Variants in UBE2B observed in about 807,000 individuals in gnomAD.
UBE2B encodes the protein ubiquitin conjugating enzyme E2 B, also known as ubiquitin-conjugating enzyme E2 B.
A neutral mutation model predicts 24.6 loss-of-function variants in UBE2B; 11 were observed. That is an observed-to-expected ratio of 0.45 (90% confidence interval 0.28 to 0.74). The LOEUF (loss-of-function observed/expected upper bound fraction) is 0.74, where lower values mean the gene tolerates loss of function less well. UBE2B is among the 30% of genes least tolerant of loss of function. The pLI is 0.13. For missense variants in UBE2B, 78 were observed against 185.6 expected (o/e 0.42, Z 3.37); for synonymous variants, 68 against 62.4 (o/e 1.09, Z -0.42).
intron 5 of UBE2B, among the ~76,000 whole-genome samples, chr5:134,389,280 A>C (rs995100570): frequency 4.0e-5 from 6 of 151,566 alleles, no homozygotes; most frequent in Non-Finnish European, 5.9e-5. Context: ...TTGTTTTTCA[A>C]CCTTCCTATC....
intron 1 of UBE2B, among the ~76,000 whole-genome samples, chr5:134,371,928 C>G (rs563145627): frequency 1.3e-5 from 2 of 152,364 alleles, no homozygotes; most frequent in East Asian, 3.9e-4. Flanking sequence ...CCCGGCGTCT[C>G]GCCCAGGCGA....
rs1206993709 is a variant in UBE2B at position 134,376,340 on chromosome 5, A to ATATATATATATATATAT, written c.126-329_126-328insTATATATATATATATAT. 8.8e-3 allele frequency among the ~76,000 whole-genome samples: 52 copies of ATATATATATATATATAT among 5,902 alleles called. 2 individuals are homozygous for ATATATATATATATATAT. Among genetic ancestry groups the ATATATATATATATATAT allele is most frequent in the Admixed American group, 0.024 (9 of 368 alleles). The allele number at this position is 5,902 out of a possible 152,430, so 3.9% of individuals were successfully genotyped here. A position where few individuals can be genotyped will look rare whatever the true frequency, so the allele number is the denominator to read the frequency against. On this transcript the variant is annotated intron_variant, in intron 2 of 5. Coordinates refer to ENST00000265339, the MANE Select transcript of UBE2B (RefSeq NM_003337.4). The stretch of plus-strand genomic sequence containing the variant: ...TCCGTCTCAAAAAAAAAAAAAAAAA[A>ATATATATATATATATAT]AAAAAAAAATATATATATATATATA...
chr5:134,383,480 T>A (rs1219206418), intron 4 of UBE2B, among the ~76,000 whole-genome samples: 6 of 136,614 alleles, frequency 4.4e-5, no homozygotes, highest in Middle Eastern at 3.5e-3. Flanking sequence ...CAGCTTTTTT[T>A]TTTTTTTTTT....
In UBE2B at chr5:134,390,951, G is replaced by T. The variant is rs969287752; in HGVS notation, c.*598G>T. ...TATAATCTCCAACTTTATTTTGAAT[G>T]TACCTCTATTAGTTTCAATTGAGTA... On this transcript the variant is annotated 3_prime_UTR_variant, in exon 6 of 6. Transcript: ENST00000265339. This position sits in a 1 kb window ranked among gnomAD's most constrained non-coding sequence, Gnocchi z 4.6. 1 of 154,624 alleles carries T rather than the reference G, an allele frequency of 6.5e-6. No homozygotes were observed. The highest frequency in any genetic ancestry group is 2.4e-5 in the African/African-American group (1 of 41,454). 9.6% of individuals were successfully genotyped at this position (154,624 alleles called of 1,614,324 possible). A position where few individuals can be genotyped will look rare whatever the true frequency, so the allele number is the denominator to read the frequency against.
At chr5:134,377,616 G>T (rs774886105) in intron 3 of UBE2B, among the ~76,000 whole-genome samples, 3 of 152,132 alleles carry the variant, frequency 2.0e-5, no homozygotes, top group African/African-American at 4.8e-5. Flanking sequence ...TTATCTGTGG[G>T]GGGGGTAAGG....
intron 5 of UBE2B, chr5:134,388,943 ATTGT>A: frequency 1.7e-5 from 4 of 234,368 alleles, no homozygotes; most frequent in East Asian, 1.4e-4. Context: ...CACTTCTTTA[ATTGT>A]TTTTTTTTTT....
intron 4 of UBE2B, among the ~76,000 whole-genome samples, chr5:134,382,270 T>G (rs1216314733): frequency 6.6e-6 from 1 of 150,936 alleles, no homozygotes; most frequent in African/African-American, 2.4e-5. Flanking sequence ...CTGGGCAACA[T>G]AGCGAGGTCC....
chr5:134,385,667 A>T (rs1758787150), intron 4 of UBE2B: 1 of 152,070 alleles, frequency 6.6e-6, no homozygotes, highest in African/African-American at 2.4e-5. Flanking sequence ...TTTTAATGAA[A>T]GGAATATGTA....
intron 4 of UBE2B, among the ~76,000 whole-genome samples, chr5:134,382,296 CA>C (rs35911965): frequency 1.3e-5 from 2 of 150,524 alleles, no homozygotes; most frequent in Non-Finnish European, 1.5e-5. Flanking sequence ...CTATAAAAAA[CA>C]AAAAAAATAT....
Position 134,391,361 on chromosome 5 carries a change from T to G in UBE2B, c.*1008T>G, listed in dbSNP as rs11538104. 7.5e-3 allele frequency: 1,149 copies of G among 152,736 alleles called. 6 individuals are homozygous for G. Among genetic ancestry groups the G allele is most frequent in the Middle Eastern group, 0.017 (5 of 294 alleles). The allele number at this position is 152,736 out of a possible 1,614,324, so 9.5% of individuals were successfully genotyped here. On this transcript the variant is annotated 3_prime_UTR_variant, in exon 6 of 6. Coordinates refer to ENST00000265339, the MANE Select transcript of UBE2B (RefSeq NM_003337.4). ...TAATGCCAGGGCCTGCTGAGTTGCT[T>G]CTTCTTGTGGAGATTTTTTTTTTAA...
chr5:134,371,583 G>C lies in UBE2B; in HGVS notation c.-13G>C. 6.2e-7 allele frequency: 1 copy of C among 1,612,400 alleles called. No homozygotes were observed. Among genetic ancestry groups the C allele is most frequent in the Non-Finnish European group, 8.5e-7 (1 of 1,179,702 alleles). On this transcript the variant is annotated 5_prime_UTR_variant, in exon 1 of 6. Transcript: ENST00000265339. The stretch of plus-strand genomic sequence containing the variant: ...TTTTTTTTTTCAGACTGACCGCGGG[G>C]CAGCTGCGGAGCATGTCGACCCCGG...
intron 4 of UBE2B, among the ~76,000 whole-genome samples, chr5:134,383,798 T>C (rs1238401563): frequency 6.6e-6 from 1 of 152,020 alleles, no homozygotes; most frequent in Non-Finnish European, 1.5e-5. Flanking sequence ...ATTATTTTGA[T>C]TGAGTTTTTT....
intron 4 of UBE2B, among the ~76,000 whole-genome samples, chr5:134,381,052 C>T (rs573853149): frequency 6.7e-6 from 1 of 148,326 alleles, no homozygotes; most frequent in Non-Finnish European, 1.5e-5. Context: ...CTGCAAGCTC[C>T]GCCTCCCGGG....
chr5:134,374,711 A>G (rs1385243711), intron 2 of UBE2B: 5 of 456,448 alleles, frequency 1.1e-5, no homozygotes, highest in Non-Finnish European at 2.0e-5. Flanking sequence ...AGACAGTGAG[A>G]CTCTGTCCCC....
intron 4 of UBE2B, among the ~76,000 whole-genome samples, chr5:134,387,139 T>C (rs1758819011): frequency 6.6e-6 from 1 of 152,054 alleles, no homozygotes; most frequent in South Asian, 2.1e-4. Flanking sequence ...TTTGTATTTT[T>C]AGTAGAGACA....
chr5:134,380,997 C>T (rs534005522), intron 4 of UBE2B, among the ~76,000 whole-genome samples, 189 bp downstream of exon 4: 37 of 109,762 alleles, frequency 3.4e-4, no homozygotes, highest in Admixed American at 3.0e-3. Flanking sequence ...GACGGAGTCT[C>T]GCTCTGTCGC....
At chr5:134,386,653 A>C (rs570737956) in intron 4 of UBE2B, among the ~76,000 whole-genome samples, 1 of 152,178 alleles carries the variant, frequency 6.6e-6, no homozygotes, top group South Asian at 2.1e-4. Flanking sequence ...AAGGAAAAGA[A>C]AATAAGATCA....
rs775635194 is a variant in UBE2B at position 134,375,797 on chromosome 5, C to CAA, written c.126-844_126-843dup. 6.8e-3 allele frequency among the ~76,000 whole-genome samples: 204 copies of CAA among 29,858 alleles called. 12 individuals are homozygous for CAA. The highest frequency in any genetic ancestry group is 0.017 in the East Asian group (10 of 572). The allele number at this position is 29,858 out of a possible 152,430, so 19.6% of individuals were successfully genotyped here. On this transcript the variant is annotated intron_variant, in intron 2 of 5. Transcript: ENST00000265339. The stretch of plus-strand genomic sequence containing the variant: ...CCTGGGCGACAGCGAGACTCCGTCT[C>CAA]AAAAAAAAAAAAAAAAAAAAAAAAA...
chr5:134,374,618 G>C (rs1243439699), intron 2 of UBE2B, 155 bp downstream of exon 2: 8 of 892,902 alleles, frequency 9.0e-6, no homozygotes, highest in Non-Finnish European at 1.4e-5. Context: ...ATTTCAATTA[G>C]AGTTTTGGCC....
Sources: allele counts gnomAD v4.1 joint callset (sites outside exome capture counted in the v4.1 genomes callset), GRCh38; gene constraint gnomAD v4.1.1; non-coding constraint Gnocchi (gnomAD v3.1); transcripts MANE v1.5; gene names NCBI Gene and HGNC (gene_info 2026-07-23, HGNC 2026-07-21).